NEK1: variants seen among roughly 807,000 people sequenced by gnomAD.
NEK1 encodes the protein serine/threonine-protein kinase Nek1.
A neutral mutation model predicts 182.1 loss-of-function variants in NEK1; 137 were observed. The ratio of observed to expected loss-of-function variants is 0.75; its 90% CI spans 0.65 to 0.87. The LOEUF is 0.87. Among genes scored for constraint, NEK1 ranks in the 40% least tolerant of loss-of-function variants. The probability of loss-of-function intolerance (pLI) is 0.00; values close to 1 mark genes in which losing one functional copy is unlikely to be tolerated. For missense variants in NEK1, 1,391 were observed against 1,494.4 expected, an observed-to-expected ratio of 0.93 and a Z score of 1.14; for synonymous variants, 513 against 492.2, an observed-to-expected ratio of 1.04 and a Z score of -0.56.
rs968671548 is a variant in NEK1, at chr4:169,393,934, G to A, written c.*576C>T. 5 of 152,150 alleles carry A rather than the reference G, an allele frequency of 3.3e-5. No homozygotes were observed. The highest frequency in any genetic ancestry group is 1.2e-4 in the African/African-American group (5 of 41,446). The allele number at this position is 152,150 out of a possible 1,614,324, so 9.4% of individuals were successfully genotyped here. A position where few individuals can be genotyped will look rare whatever the true frequency, so the allele number is the denominator to read the frequency against. Reference sequence around the variant, plus strand: ...TTCTAAGACTGTTTCTACAGCCTGTGTGCTAGTTCAGGAGACACACTGATT... The same window carrying A: ...TTCTAAGACTGTTTCTACAGCCTGTATGCTAGTTCAGGAGACACACTGATT... On this transcript the variant is annotated 3_prime_UTR_variant, in exon 36 of 36. Transcript: ENST00000507142.
rs948361892 is a variant in NEK1 at position 169,496,982 on chromosome 4, A to C, written c.2007+10055T>G. 3.8e-3 allele frequency among the ~76,000 whole-genome samples: 578 copies of C among 152,164 alleles called. 6 individuals carry two copies. Among genetic ancestry groups the C allele is most frequent in the African/African-American group, 0.012 (512 of 41,516 alleles). On this transcript the variant is annotated intron_variant, in intron 23 of 35. Coordinates refer to ENST00000507142, the MANE Select transcript of NEK1 (RefSeq NM_001199397.3). ...TGGAATAGTTTCAGAAGGAATGGTA[A>C]CAGCTCCTCCTTGTACCTCTGGTAG...
chr4:169,468,737 G>C (rs1414011932), intron 26 of NEK1, among the ~76,000 whole-genome samples: 1 of 152,076 alleles, frequency 6.6e-6, no homozygotes, highest in African/African-American at 2.4e-5. Context: ...CTGTGAATCT[G>C]TCTGGTCCTG....
rs1410154975 is a variant in NEK1 at position 169,400,235 on chromosome 4, G to T, written c.3837C>A (p.Ala1279=). The T allele has an allele frequency of 6.3e-7, 1 of 1,579,344 alleles. No homozygotes were observed. Among genetic ancestry groups the T allele is most frequent in the African/African-American group, 1.3e-5 (1 of 74,530 alleles). Residue 1279 remains alanine, a synonymous_variant, in exon 35 of 36, where the codon GCC becomes GCA. Transcript: ENST00000507142. The part of the protein sequence containing the change: ...KILHLVMADG[A]YQEDNDE Reference sequence around the variant, plus strand: ...GTGAGGAAATCTTACCTTCTTGGTAGGCTCCATCTGCCATGACTAAATGAA... The same window carrying T: ...GTGAGGAAATCTTACCTTCTTGGTATGCTCCATCTGCCATGACTAAATGAA...
At chr4:169,610,474 C>T (rs182238771) in intron 2 of NEK1, among the ~76,000 whole-genome samples, 4 of 151,996 alleles carry the variant, frequency 2.6e-5, no homozygotes, top group South Asian at 4.2e-4. Context: ...CCACCACGCC[C>T]GTCTAATTTT....
At chr4:169,556,229 A>T in intron 16 of NEK1, 134 bp from the exon 17 acceptor site, 1 of 778,640 alleles carries the variant, frequency 1.3e-6, no homozygotes, top group South Asian at 2.9e-5. Flanking sequence ...ATACTAACAA[A>T]CATAAAGCCT....
intron 12 of NEK1, among the ~76,000 whole-genome samples, chr4:169,573,382 G>A (rs1417373820): frequency 6.6e-6 from 1 of 152,144 alleles, no homozygotes; most frequent in Non-Finnish European, 1.5e-5. Flanking sequence ...ATATAATAGG[G>A]TGACCAGAAG....
intron 31 of NEK1, among the ~76,000 whole-genome samples, chr4:169,415,799 A>G (rs1260044717): frequency 1.3e-5 from 2 of 152,174 alleles, no homozygotes; most frequent in Non-Finnish European, 2.9e-5. Context: ...CATGTAATTC[A>G]GTTTACTGTC....
At chr4:169,602,819 T>G in intron 2 of NEK1, 141 bp from the exon 3 acceptor site, 1 of 509,610 alleles carries the variant, frequency 2.0e-6, no homozygotes, top group Non-Finnish European at 3.4e-6. Flanking sequence ...CACTAAAAGT[T>G]ACACTTTATA....
chr4:169,439,992 G>T (rs1339304433), intron 27 of NEK1, among the ~76,000 whole-genome samples: 17 of 151,116 alleles, frequency 1.1e-4, no homozygotes, highest in Admixed American at 9.9e-4. Context: ...GATTACAGGC[G>T]CACGGCACTA....
At chr4:169,433,474 T>TTA in intron 29 of NEK1, 71 bp downstream of exon 29, 1 of 1,405,558 alleles carries the variant, frequency 7.1e-7, no homozygotes, top group Non-Finnish European at 9.8e-7. Context: ...TATTAGCTTA[T>TTA]TATAGTATTT....
At chr4:169,611,834 G>A (rs546395463) in intron 2 of NEK1, among the ~76,000 whole-genome samples, 186 bp downstream of exon 2, 11 of 152,174 alleles carry the variant, frequency 7.2e-5, no homozygotes, top group South Asian at 2.1e-4. Context: ...ATACCGTAAT[G>A]TCCAAGAATC....
At chr4:169,513,458 T>C (rs1754531714) in intron 19 of NEK1, among the ~76,000 whole-genome samples, 1 of 152,212 alleles carries the variant, frequency 6.6e-6, no homozygotes, top group Non-Finnish European at 1.5e-5. Context: ...ACTTTTTAGT[T>C]TCAGGAGTAT....
intron 26 of NEK1, among the ~76,000 whole-genome samples, chr4:169,468,108 C>T (rs1000721113): frequency 3.3e-5 from 5 of 151,872 alleles, no homozygotes; most frequent in Admixed American, 6.6e-5. Flanking sequence ...TTAAAAAGAA[C>T]AAGCTATTAA....
intron 23 of NEK1, among the ~76,000 whole-genome samples, chr4:169,500,521 C>A (rs781669604): frequency 6.6e-6 from 1 of 152,290 alleles, no homozygotes; most frequent in Non-Finnish European, 1.5e-5. Context: ...TGGAGCTGTT[C>A]CTATTCGGCC....
chr4:169,602,190 A>G (rs1770615209), intron 3 of NEK1, 86 bp from the exon 4 acceptor site: 1 of 884,616 alleles, frequency 1.1e-6, no homozygotes, highest in African/African-American at 1.6e-5. Context: ...GTTAAAACAT[A>G]ATAGTATTAA....
chr4:169,557,866 G>C (rs761980097), intron 16 of NEK1, among the ~76,000 whole-genome samples: 12 of 152,294 alleles, frequency 7.9e-5, no homozygotes, highest in Non-Finnish European at 1.5e-4. Context: ...AGGAGGTCAA[G>C]GCTACAGTGA....
At chr4:169,538,415 A>C (rs1044611572) in intron 18 of NEK1, among the ~76,000 whole-genome samples, 1 of 152,152 alleles carries the variant, frequency 6.6e-6, no homozygotes, top group Non-Finnish European at 1.5e-5. Context: ...AACTATAAAA[A>C]AGTAAAGTGG....
intron 27 of NEK1, among the ~76,000 whole-genome samples, chr4:169,439,088 A>C (rs192039810): frequency 9.8e-5 from 15 of 152,348 alleles, no homozygotes; most frequent in Admixed American, 7.8e-4. Context: ...ATTAAAATTC[A>C]CAGAAATTCC....
chr4:169,496,335 C>G (rs1304621539), intron 23 of NEK1, among the ~76,000 whole-genome samples: 1 of 147,858 alleles, frequency 6.8e-6, no homozygotes, highest in Non-Finnish European at 1.5e-5. Flanking sequence ...GATATACAAT[C>G]ATGTCATCTG....
Sources: allele counts gnomAD v4.1 joint callset (sites outside exome capture counted in the v4.1 genomes callset), GRCh38; gene constraint gnomAD v4.1.1; transcripts MANE v1.5; gene names NCBI Gene and HGNC (gene_info 2026-07-23, HGNC 2026-07-21).